Variants in FAM228B observed in about 807,000 individuals in gnomAD.
FAM228B encodes protein FAM228B.
Under a neutral mutation model 42.6 loss-of-function variants are expected in FAM228B, and 38 were observed. That is an observed-to-expected ratio of 0.89 (90% confidence interval 0.69 to 1.17). The LOEUF is 1.17. Ranked by LOEUF, FAM228B falls within the 50% of genes most tolerant of loss-of-function variation. The pLI is 0.00. For synonymous variants in FAM228B, 109 were observed against 122.3 expected, an observed-to-expected ratio of 0.89 and a Z score of 0.72; for missense variants, 344 against 367.3, an observed-to-expected ratio of 0.94 and a Z score of 0.52.
intron 2 of FAM228B, among the ~76,000 whole-genome samples, chr2:24,124,739 T>C: frequency 6.6e-6 from 1 of 152,204 alleles, no homozygotes; most frequent in East Asian, 1.9e-4. Context: ...AATTTTGATA[T>C]GATGTATTTA....
At position 24,080,365 on chromosome 2, in the gene FAM228B, A is replaced by AG. The variant is rs1303175047; in HGVS notation, c.-289-511_-289-510insG. Reference sequence around the variant, plus strand: ...GTGAGACTCCATCTCAAAAAAAAAAAAGAAAGAGAAACGGAAAGGGATGAG... The same window carrying AG: ...GTGAGACTCCATCTCAAAAAAAAAAAGAGAAAGAGAAACGGAAAGGGATGAG... On this transcript the variant is annotated intron_variant, in intron 1 of 10. Transcript: ENST00000613899. The surrounding 1 kb of genome is among the most constrained non-coding windows in gnomAD (Gnocchi z 4.7). 3.9e-5 allele frequency among the ~76,000 whole-genome samples: 6 copies of AG among 151,934 alleles called. No individual in the cohort carries two copies. The highest frequency in any genetic ancestry group is 1.3e-4 in the Admixed American group (2 of 15,268).
At chr2:24,121,372 C>A (rs1573753598), upstream of FAM228B, 4 of 1,469,920 alleles carry the variant, frequency 2.7e-6, no homozygotes, top group East Asian at 7.0e-5. Context: ...TAGCCCACTA[C>A]CTGTTTTTTA....
In FAM228B at chr2:24,080,459, C is replaced by T. The variant is rs1000369495; in HGVS notation, c.-289-417C>T. Among the ~76,000 whole-genome samples, 1 of 152,176 alleles carries T rather than the reference C, an allele frequency of 6.6e-6. No homozygotes were observed. Among genetic ancestry groups the T allele is most frequent in the Non-Finnish European group, 1.5e-5 (1 of 68,038 alleles). On this transcript the variant is annotated intron_variant, in intron 1 of 10. Coordinates refer to the FAM228B transcript ENST00000613899. This position sits in a 1 kb window ranked among gnomAD's most constrained non-coding sequence, Gnocchi z 4.7. ...ATCTACTTACTCATTTAGGGTGCTA[C>T]CACCCAACCCTACCATGGCTGGCTC...
At chr2:24,152,796 C>G (rs1667054404) in intron 7 of FAM228B, among the ~76,000 whole-genome samples, 1 of 152,168 alleles carries the variant, frequency 6.6e-6, no homozygotes, top group Admixed American at 6.5e-5. Flanking sequence ...CCCCAGGTCC[C>G]AGGCATGTCC....
intron 5 of FAM228B, among the ~76,000 whole-genome samples, chr2:24,145,226 A>G (rs1666865371): frequency 6.6e-6 from 1 of 152,128 alleles, no homozygotes; most frequent in African/African-American, 2.4e-5. Context: ...TCTGAGGACC[A>G]AGGACAGGCA....
In FAM228B at chr2:24,080,064, T is replaced by TA. The variant is rs1400472048; in HGVS notation, c.-289-806dup. ...TTTCATCTCTCCTTTTCTACTCACA[T>TA]AAAAAATGGAGGCCAGGCATGGTGG... On this transcript the variant is annotated intron_variant, in intron 1 of 10. Coordinates refer to the FAM228B transcript ENST00000613899. This position sits in a 1 kb window ranked among gnomAD's most constrained non-coding sequence, Gnocchi z 4.7. Among the ~76,000 whole-genome samples, 2 of 151,994 alleles carry TA rather than the reference T, an allele frequency of 1.3e-5. No individual in the cohort carries two copies. Among genetic ancestry groups the TA allele is most frequent in the African/African-American group, 4.8e-5 (2 of 41,394 alleles).
intron 3 of FAM228B, among the ~76,000 whole-genome samples, chr2:24,101,829 C>T (rs997947611): frequency 5.3e-5 from 8 of 152,164 alleles, no homozygotes; most frequent in Non-Finnish European, 4.4e-5. Flanking sequence ...ACTACAAGCG[C>T]TCACCACCAT....
upstream of FAM228B, chr2:24,122,586 T>C (rs760132691): frequency 3.0e-6 from 4 of 1,319,262 alleles, no homozygotes; most frequent in East Asian, 9.2e-5. Context: ...TGACTCTGGC[T>C]AGCTTTTAAA....
chr2:24,155,419 G>A (rs1307562728), intron 7 of FAM228B, among the ~76,000 whole-genome samples: 1 of 149,102 alleles, frequency 6.7e-6, no homozygotes, highest in East Asian at 2.0e-4. Flanking sequence ...GTTTGCGGGT[G>A]ACTGGCTTCT....
chr2:24,083,266 T>C (rs1665098872), intron 2 of FAM228B: 1 of 1,387,288 alleles, frequency 7.2e-7, no homozygotes, highest in South Asian at 1.4e-5. Flanking sequence ...AATTTCAGAA[T>C]GAAGTCAGGT....
At chr2:24,086,045 C>T (rs901822635) in intron 2 of FAM228B, among the ~76,000 whole-genome samples, 1 of 151,886 alleles carries the variant, frequency 6.6e-6, no homozygotes, top group Non-Finnish European at 1.5e-5. Context: ...ACCATCCTGG[C>T]TAACACGGTG....
At chr2:24,079,251 G>C (rs1664890720) in intron 1 of FAM228B, 2 of 585,918 alleles carry the variant, frequency 3.4e-6, no homozygotes, top group Non-Finnish European at 6.0e-6. Flanking sequence ...TTCTTTTCAT[G>C]ATACTGAAGC....
intron 2 of FAM228B, among the ~76,000 whole-genome samples, chr2:24,132,628 T>C (rs1422497810): frequency 6.6e-6 from 1 of 152,104 alleles, no homozygotes; most frequent in African/African-American, 2.4e-5. Flanking sequence ...TTCCAACATA[T>C]GGGTCATTTC....
intron 3 of FAM228B, among the ~76,000 whole-genome samples, chr2:24,115,907 CAAAAAAAA>C (rs35038662): frequency 8.5e-6 from 1 of 117,050 alleles, no homozygotes; most frequent in Admixed American, 8.9e-5. Flanking sequence ...GGTTCCCATG[CAAAAAAAA>C]AAAAAAAAAA....
At chr2:24,082,627 TAAG>T (rs1026782118) in intron 2 of FAM228B, among the ~76,000 whole-genome samples, 56 of 152,332 alleles carry the variant, frequency 3.7e-4, no homozygotes, top group African/African-American at 1.3e-3. Context: ...AGTATGATTC[TAAG>T]AAGCTGGGAC....
chr2:24,140,960 T>G (rs1473194300), intron 5 of FAM228B, among the ~76,000 whole-genome samples: 1 of 150,042 alleles, frequency 6.7e-6, no homozygotes, highest in Non-Finnish European at 1.5e-5. Context: ...TGAGTGAGAC[T>G]CTGTCTAAAA....
Position 24,077,553 on chromosome 2 carries a change from C to T in FAM228B, c.-290+584C>T. ...TTGCTCTGGAAAGGCCTGGGGTGGCCGCGTCCTGTCCTGCCCCATCCTCCT... is the reference window on the plus strand; with the variant it reads ...TTGCTCTGGAAAGGCCTGGGGTGGCTGCGTCCTGTCCTGCCCCATCCTCCT... On this transcript the variant is annotated intron_variant, in intron 1 of 10. Coordinates refer to the FAM228B transcript ENST00000613899. This position sits in a 1 kb window ranked among gnomAD's most constrained non-coding sequence, Gnocchi z 5.5. The T allele has an allele frequency of 6.3e-7, 1 of 1,594,980 alleles. No homozygotes were observed. Among genetic ancestry groups the T allele is most frequent in the Non-Finnish European group, 8.5e-7 (1 of 1,171,588 alleles).
At chr2:24,078,020 C>T (rs1664834663) in intron 1 of FAM228B, among the ~76,000 whole-genome samples, 1 of 152,182 alleles carries the variant, frequency 6.6e-6, no homozygotes, top group South Asian at 2.1e-4. Context: ...GGCTAGCTGA[C>T]CTGTCTCTTC....
At chr2:24,099,757 G>GA (rs1383857063) in intron 3 of FAM228B, among the ~76,000 whole-genome samples, 1 of 152,024 alleles carries the variant, frequency 6.6e-6, no homozygotes, top group Non-Finnish European at 1.5e-5. Flanking sequence ...CACAGAATTG[G>GA]AAAAAACTAC....
Sources: allele counts gnomAD v4.1 joint callset (sites outside exome capture counted in the v4.1 genomes callset), GRCh38; gene constraint gnomAD v4.1.1; non-coding constraint Gnocchi (gnomAD v3.1); transcripts MANE v1.5; gene names NCBI Gene and HGNC (gene_info 2026-07-23, HGNC 2026-07-21).